UNC5C: variants seen among roughly 807,000 people sequenced by gnomAD.
UNC5C encodes the protein netrin receptor UNC5C.
A neutral mutation model predicts 99.8 loss-of-function variants in UNC5C; 47 were observed. The ratio of observed to expected loss-of-function variants is 0.47; its 90% CI spans 0.37 to 0.60. UNC5C has a LOEUF of 0.60. UNC5C is among the 20% of genes least tolerant of loss of function. The pLI is 0.00. For missense variants in UNC5C, 1,062 were observed against 1,165.9 expected (o/e 0.91, Z 1.30); for synonymous variants, 487 against 452.2 (o/e 1.08, Z -0.98).
rs373907195 is a variant in UNC5C, at chr4:95,538,752, T to C, written c.124+9982A>G. 1.6e-4 allele frequency among the ~76,000 whole-genome samples: 24 copies of C among 152,302 alleles called. No homozygotes were observed. The South Asian group carries it at 5.0e-3, about 32-fold the overall frequency. ...ATAATAATCAATATATGTTTATATA[T>C]TGATGTATTATGTAAATATTCATAT... On this transcript the variant is annotated intron_variant, in intron 1 of 15. Transcript: ENST00000453304.
Position 95,185,305 on chromosome 4 carries a change from T to C in UNC5C, c.2137-109A>G. 2.2e-6 allele frequency: 3 copies of C among 1,370,816 alleles called. No individual in the cohort carries two copies. The South Asian group carries it at 4.3e-5, about 20-fold the overall frequency. 84.9% of individuals were successfully genotyped at this position (1,370,816 alleles called of 1,614,324 possible). On this transcript the variant is annotated intron_variant, in intron 12 of 15. Coordinates refer to ENST00000453304, the MANE Select transcript of UNC5C (RefSeq NM_003728.4). ...TGCCTCCTGAATGGCAGGCGGAACT[T>C]GTGCAACACCTTGAACACCCACTTT...
At chr4:95,488,356 G>GA (rs1449347081) in intron 1 of UNC5C, among the ~76,000 whole-genome samples, 1 of 151,592 alleles carries the variant, frequency 6.6e-6, no homozygotes, top group Non-Finnish European at 1.5e-5. Flanking sequence ...AAATGCAAAA[G>GA]AAAAAAGAAA....
chr4:95,336,884 A>G (rs1743369403), intron 1 of UNC5C, among the ~76,000 whole-genome samples: 1 of 151,892 alleles, frequency 6.6e-6, no homozygotes, highest in Non-Finnish European at 1.5e-5. Context: ...TAGTTTTTCC[A>G]TTGTTGAACA....
At chr4:95,527,977 T>C (rs920622822) in intron 1 of UNC5C, among the ~76,000 whole-genome samples, 3 of 152,182 alleles carry the variant, frequency 2.0e-5, no homozygotes, top group African/African-American at 7.2e-5. Flanking sequence ...CTGTTTACTC[T>C]AAAAATACTC....
At position 95,548,826 on chromosome 4, in the gene UNC5C, C is replaced by A. The variant is rs1365890144; in HGVS notation, c.32G>T (p.Arg11Leu). The A allele has an allele frequency of 8.7e-6, 14 of 1,613,140 alleles. No individual in the cohort carries two copies. The highest frequency in any genetic ancestry group is 2.2e-5 in the East Asian group (1 of 44,812). Residue 11 changes from arginine to leucine, a missense_variant, in exon 1 of 16, where the codon CGC becomes CTC. By Grantham distance (102) the Arg-to-Leu change is moderately radical (BLOSUM62 -2). Coordinates refer to ENST00000453304, the MANE Select transcript of UNC5C (RefSeq NM_003728.4). ...CAAGTATCCCAGTCCCAGTCCGCAG[C>A]GGGCCGCTGTCGCCCGCAGACCTTT... MRKGLRATAA[R>L]CGLGLGYLLQ...
intron 1 of UNC5C, among the ~76,000 whole-genome samples, chr4:95,478,295 T>A (rs992026665): frequency 6.6e-6 from 1 of 151,958 alleles, no homozygotes; most frequent in Non-Finnish European, 1.5e-5. Context: ...CTAAGCTCCA[T>A]GATTGACAGG....
At chr4:95,471,515 A>G (rs1679773850) in intron 1 of UNC5C, among the ~76,000 whole-genome samples, 1 of 152,132 alleles carries the variant, frequency 6.6e-6, no homozygotes, top group African/African-American at 2.4e-5. Flanking sequence ...TGCAGTTTAC[A>G]TGAGTACTTG....
intron 1 of UNC5C, among the ~76,000 whole-genome samples, chr4:95,456,065 C>T (rs1747417184): frequency 6.6e-6 from 1 of 151,914 alleles, no homozygotes; most frequent in Non-Finnish European, 1.5e-5. Context: ...GGACTTTGTT[C>T]CATGTGAAAA....
At chr4:95,534,394 G>GT (rs1470208541) in intron 1 of UNC5C, among the ~76,000 whole-genome samples, 2 of 152,028 alleles carry the variant, frequency 1.3e-5, no homozygotes, top group African/African-American at 4.8e-5. Context: ...AATTTTTTAC[G>GT]TTTTGTCTTG....
chr4:95,387,826 G>C (rs542458777), intron 1 of UNC5C, among the ~76,000 whole-genome samples: 1 of 152,258 alleles, frequency 6.6e-6, no homozygotes, highest in Admixed American at 6.5e-5. Context: ...ATTATTTTAA[G>C]CTGTTCAGTG....
At chr4:95,447,837 GAAAT>G (rs1747152093) in intron 1 of UNC5C, among the ~76,000 whole-genome samples, 1 of 152,086 alleles carries the variant, frequency 6.6e-6, no homozygotes, top group Non-Finnish European at 1.5e-5. Context: ...GCAATGATAG[GAAAT>G]AAATAGTCTA....
At chr4:95,362,634 C>T (rs1238109954) in intron 1 of UNC5C, among the ~76,000 whole-genome samples, 2 of 152,132 alleles carry the variant, frequency 1.3e-5, no homozygotes, top group Non-Finnish European at 2.9e-5. Flanking sequence ...TTCACTTGCA[C>T]CCGCAGGATT....
At position 95,164,578 on chromosome 4, in the gene UNC5C, A is replaced by G. The variant is rs1279418680; in HGVS notation, c.*4656T>C. On this transcript the variant is annotated 3_prime_UTR_variant, in exon 16 of 16. Transcript: ENST00000453304. The stretch of plus-strand genomic sequence containing the variant: ...TATGAGGCACTCGAGAGGTAAAAAA[A>G]TGTTTTGTTAACTTGAGATAATAAA... 1 of 152,228 alleles carries G rather than the reference A, an allele frequency of 6.6e-6. No homozygotes were observed. Among genetic ancestry groups the G allele is most frequent in the Non-Finnish European group, 1.5e-5 (1 of 68,040 alleles). The allele number at this position is 152,228 out of a possible 1,614,324, so 9.4% of individuals were successfully genotyped here.
chr4:95,262,440 G>A (rs1242663493), intron 4 of UNC5C, among the ~76,000 whole-genome samples: 1 of 152,172 alleles, frequency 6.6e-6, no homozygotes, highest in Non-Finnish European at 1.5e-5. Flanking sequence ...ATGACAGATA[G>A]AAATGTAATT....
In UNC5C at chr4:95,417,811, ATTCT is replaced by A. The variant is rs1368029901; in HGVS notation, c.125-82184_125-82181del. Among the ~76,000 whole-genome samples the A allele has an allele frequency of 5.9e-5, 9 of 152,290 alleles. No homozygotes were observed. The East Asian group carries it at 1.7e-3, about 29-fold the overall frequency. On this transcript the variant is annotated intron_variant, in intron 1 of 15. Coordinates refer to ENST00000453304, the MANE Select transcript of UNC5C (RefSeq NM_003728.4). ...GCTGTTGTTTATCATCACCACATCAATTCTTTCTTCTCCTTTGATCTGTTCTCAA... is the reference window on the plus strand; with the variant it reads ...GCTGTTGTTTATCATCACCACATCAATTCTTCTCCTTTGATCTGTTCTCAA...
chr4:95,236,235 C>A (rs1739106123), intron 7 of UNC5C, among the ~76,000 whole-genome samples: 1 of 152,084 alleles, frequency 6.6e-6, no homozygotes, highest in Admixed American at 6.6e-5. Context: ...ACATATACAC[C>A]ATGGAATACT....
chr4:95,224,703 C>T (rs1444960508), intron 7 of UNC5C, among the ~76,000 whole-genome samples: 5 of 151,946 alleles, frequency 3.3e-5, no homozygotes, highest in Admixed American at 6.6e-5. Context: ...GGATACTTTC[C>T]TGTTTTTACT....
In UNC5C at chr4:95,219,004, T is replaced by C. The variant is rs1274480862; in HGVS notation, c.1610A>G (p.Asn537Ser). The C allele has an allele frequency of 3.1e-6, 5 of 1,612,400 alleles. No individual in the cohort carries two copies. Among genetic ancestry groups the C allele is most frequent in the East Asian group, 4.5e-5 (2 of 44,842 alleles). The change falls in exon 9 of 16, where the codon AAC (asparagine) becomes AGC (serine). Residue 537 changes from asparagine (N) to serine (S), a missense_variant. By Grantham distance (46) the Asn-to-Ser change is conservative. Transcript: ENST00000453304. ...AACAATAAGGTGACCTCCCAGCGAG[T>C]TGAAGCTGCCAAATGCGGTACAGGA... ...DPSCTAFGSF[N>S]SLGGHLIVPN...
intron 1 of UNC5C, among the ~76,000 whole-genome samples, chr4:95,412,860 G>A (rs1332161384): frequency 2.0e-5 from 3 of 152,182 alleles, no homozygotes; most frequent in Non-Finnish European, 4.4e-5. Flanking sequence ...GGTAGCAAAA[G>A]GGTGAGGCTG....
Sources: allele counts gnomAD v4.1 joint callset (sites outside exome capture counted in the v4.1 genomes callset), GRCh38; gene constraint gnomAD v4.1.1; transcripts MANE v1.5; gene names NCBI Gene and HGNC (gene_info 2026-07-23, HGNC 2026-07-21).